The following SCN10A variants were observed in gnomAD, a reference collection of about 807,000 sequenced individuals.
The protein encoded by SCN10A is sodium channel protein type 10 subunit alpha.
SCN10A carries 162 observed loss-of-function variants against 170.7 expected under a neutral mutation model. That is an observed-to-expected ratio of 0.95 (90% CI 0.84 to 1.08). The LOEUF (loss-of-function observed/expected upper bound fraction) is 1.08, where lower values mean the gene tolerates loss of function less well. Among genes scored for constraint, SCN10A ranks in the 50% least tolerant of loss-of-function variants. SCN10A has a pLI of 0.00. For synonymous variants in SCN10A, 985 were observed against 904.6 expected, an observed-to-expected ratio of 1.09 and a Z score of -1.59; for missense variants, 2,527 against 2,436.9, an observed-to-expected ratio of 1.04 and a Z score of -0.78.
At position 38,712,292 on chromosome 3, in the gene SCN10A, G is replaced by A. The variant is rs373466551; in HGVS notation, c.3958C>T (p.Leu1320Phe). The A allele has an allele frequency of 6.2e-7, 1 of 1,614,180 alleles. No individual in the cohort carries two copies. Among genetic ancestry groups the A allele is most frequent in the African/African-American group, 1.3e-5 (1 of 75,034 alleles). ...CINYTDGEFS[L>F]VPLSIVNNKS... ...TTATTCACAATCGACAAAGGTACAA[G>A]GGAAAACTCTCCATCGGTATAGTTG... Residue 1320 changes from leucine (L) to phenylalanine (F), a missense_variant, in exon 23 of 28, where the codon CTT becomes TTT. Coordinates refer to ENST00000449082, the MANE Select transcript of SCN10A (RefSeq NM_006514.4).
At chr3:38,764,079 G>T (rs1275560774) in intron 5 of SCN10A, among the ~76,000 whole-genome samples, 1 of 152,200 alleles carries the variant, frequency 6.6e-6, no homozygotes, top group Non-Finnish European at 1.5e-5. Flanking sequence ...TGAGGAAGCT[G>T]AACTGAGATG....
At chr3:38,780,514 T>C (rs2064127069) in intron 4 of SCN10A, among the ~76,000 whole-genome samples, 1 of 152,090 alleles carries the variant, frequency 6.6e-6, no homozygotes, top group Non-Finnish European at 1.5e-5. Flanking sequence ...ATATGACGTA[T>C]TTAGTTTTTA....
rs1391903437 is a variant in SCN10A at position 38,696,814 on chromosome 3, A to C, written c.*535T>G. 6.3e-6 allele frequency: 1 copy of C among 157,942 alleles called. No individual in the cohort carries two copies. The highest frequency in any genetic ancestry group is 1.4e-5 in the Non-Finnish European group (1 of 70,976). 9.8% of individuals were successfully genotyped at this position (157,942 alleles called of 1,614,324 possible). A position where few individuals can be genotyped will look rare whatever the true frequency, so the allele number is the denominator to read the frequency against. On this transcript the variant is annotated 3_prime_UTR_variant, in exon 28 of 28. Coordinates refer to ENST00000449082, the MANE Select transcript of SCN10A (RefSeq NM_006514.4). ...ATAACGCTGGTGTGGACATACATTT[A>C]AAAATATTAATTTTAATGGATATCT...
chr3:38,812,576 G>C (rs185559775), intron 1 of SCN10A, among the ~76,000 whole-genome samples: 1 of 152,062 alleles, frequency 6.6e-6, no homozygotes, highest in African/African-American at 2.4e-5. Flanking sequence ...TGTAGAAAAC[G>C]AGAAGACTCT....
intron 17 of SCN10A, among the ~76,000 whole-genome samples, chr3:38,726,216 C>T (rs2063452755): frequency 6.6e-6 from 1 of 152,202 alleles, no homozygotes; most frequent in African/African-American, 2.4e-5. Flanking sequence ...AAATGAGTCA[C>T]ATAAGAATCA....
intron 15 of SCN10A, among the ~76,000 whole-genome samples, chr3:38,737,588 G>A (rs918213262): frequency 6.6e-6 from 1 of 152,160 alleles, no homozygotes; most frequent in Non-Finnish European, 1.5e-5. Flanking sequence ...TGTGTCTCAG[G>A]ACATGCTTTA....
intron 4 of SCN10A, 78 bp downstream of exon 4, chr3:38,788,877 TA>T: frequency 2.3e-6 from 2 of 879,672 alleles, no homozygotes; most frequent in Non-Finnish European, 3.8e-6. Flanking sequence ...GCAGGATAAA[TA>T]AAAGACAAAG....
chr3:38,731,753 C>A (rs949611398), intron 15 of SCN10A, among the ~76,000 whole-genome samples: 14 of 152,196 alleles, frequency 9.2e-5, no homozygotes, highest in Non-Finnish European at 2.1e-4. Context: ...ATATGCAACC[C>A]ATGAGTAAGC....
rs201412394 is a variant in SCN10A, at chr3:38,760,768, A to G, written c.884-21T>C. Reference sequence around the variant, plus strand: ...ATCTGCTGAAGAAAGGAAGAAAAGAAAGCCTCACAGATGGTTCTGAACCCT... The same window carrying G: ...ATCTGCTGAAGAAAGGAAGAAAAGAGAGCCTCACAGATGGTTCTGAACCCT... On this transcript the variant is annotated intron_variant, in intron 7 of 27. Transcript: ENST00000449082. 2.0e-5 allele frequency: 32 copies of G among 1,599,770 alleles called. No homozygotes were observed. The Admixed American group carries it at 4.2e-4, about 21-fold the overall frequency.
At chr3:38,768,787 G>C (rs972790129) in intron 5 of SCN10A, among the ~76,000 whole-genome samples, 1 of 152,028 alleles carries the variant, frequency 6.6e-6, no homozygotes, top group South Asian at 2.1e-4. Flanking sequence ...CTTGTATTTG[G>C]ATATCTATAT....
intron 7 of SCN10A, 32 bp downstream of exon 7, chr3:38,761,160 A>C: frequency 6.7e-7 from 1 of 1,487,808 alleles, no homozygotes; most frequent in Non-Finnish European, 9.3e-7. Context: ...GTCCAACCAG[A>C]CCTTGGTCCC....
At chr3:38,775,016 A>G (rs551738284) in intron 4 of SCN10A, among the ~76,000 whole-genome samples, 60 of 152,292 alleles carry the variant, frequency 3.9e-4, no homozygotes, top group Middle Eastern at 3.4e-3. Flanking sequence ...CTTGCTGACC[A>G]TGTGGCTGGA....
rs1177364606 is a variant in SCN10A, at chr3:38,719,432, C to T, written c.3508-606G>A. On this transcript the variant is annotated intron_variant, in intron 20 of 27. Coordinates refer to ENST00000449082, the MANE Select transcript of SCN10A (RefSeq NM_006514.4). ...TTTTTGAGACGGAGTCTCGCTCTGT[C>T]GCCCAGGCTGGAGTGCAGTAGCGGG... 5.0e-5 allele frequency among the ~76,000 whole-genome samples: 6 copies of T among 119,642 alleles called. No individual in the cohort carries two copies. The East Asian group carries it at 1.7e-3, about 33-fold the overall frequency. 78.5% of individuals were successfully genotyped at this position (119,642 alleles called of 152,430 possible).
chr3:38,796,488 T>A (rs911054688), intron 1 of SCN10A, among the ~76,000 whole-genome samples: 71 of 152,178 alleles, frequency 4.7e-4, no homozygotes, highest in African/African-American at 1.5e-3. Context: ...TTATGTGATA[T>A]CTTTATTTAA....
intron 11 of SCN10A, among the ~76,000 whole-genome samples, chr3:38,752,811 A>T (rs2063764038): frequency 6.6e-6 from 1 of 152,202 alleles, no homozygotes; most frequent in South Asian, 2.1e-4. Context: ...TGTCACCTGG[A>T]TAGTTCAGTT....
At chr3:38,744,267 T>C (rs2063663649) in intron 13 of SCN10A, among the ~76,000 whole-genome samples, 1 of 152,072 alleles carries the variant, frequency 6.6e-6, no homozygotes, top group South Asian at 2.1e-4. Context: ...GAAGGGTCTA[T>C]AGTGGGAAGG....
At chr3:38,731,619 T>TG (rs1486378019) in intron 15 of SCN10A, among the ~76,000 whole-genome samples, 66 of 152,280 alleles carry the variant, frequency 4.3e-4, no homozygotes, top group African/African-American at 1.5e-3. Context: ...TGTGTGATGA[T>TG]GAAAAAACAG....
chr3:38,744,317 G>GT (rs759672954), intron 13 of SCN10A, among the ~76,000 whole-genome samples: 3,906 of 151,798 alleles, frequency 0.026, 71 homozygotes, highest in African/African-American at 0.052. Flanking sequence ...CAGTGTTTAG[G>GT]GTTTTTTTTA....
chr3:38,713,999 G>C lies in SCN10A; in HGVS notation c.3763C>G (p.Leu1255Val). Reference protein sequence around the residue: ...PIKALRTLRALRPLRALSRFE... With the variant: ...PIKALRTLRAVRPLRALSRFE... ...CGAGAAAGAGCCCGCAGTGGCCGCA[G>C]AGCGCGAAGGGTTCGAAGGGCTTTG... Residue 1255 changes from leucine (L) to valine (V), a missense_variant, in exon 22 of 28, where the codon CTG becomes GTG. Physicochemically the swap from Leu to Val is conservative, Grantham distance 32. Transcript: ENST00000449082. 6.2e-7 allele frequency: 1 copy of C among 1,614,064 alleles called. No homozygotes were observed. The highest frequency in any genetic ancestry group is 1.1e-5 in the South Asian group (1 of 91,078).
Sources: allele counts gnomAD v4.1 joint callset (sites outside exome capture counted in the v4.1 genomes callset), GRCh38; gene constraint gnomAD v4.1.1; transcripts MANE v1.5; gene names NCBI Gene and HGNC (gene_info 2026-07-23, HGNC 2026-07-21).